The following NUDT2 variants were observed in gnomAD, a reference collection of about 807,000 sequenced individuals.
The protein encoded by NUDT2 is bis(5'-nucleosyl)-tetraphosphatase [asymmetrical].
In NUDT2, 12 loss-of-function variants were observed where a neutral mutation model predicts 14.2. The observed-to-expected ratio is 0.84, with a 90% CI of 0.54 to 1.37. The LOEUF is 1.37. Ranked by LOEUF, NUDT2 falls within the 40% of genes most tolerant of loss-of-function variation. The probability of loss-of-function intolerance (pLI) is 0.00; values close to 1 mark genes in which losing one functional copy is unlikely to be tolerated. For synonymous variants in NUDT2, 67 were observed against 67.4 expected (o/e 0.99, Z 0.03); for missense variants, 167 against 176.7 (o/e 0.95, Z 0.31).
chr9:34,338,953 G>A, intron 3 of NUDT2, 71 bp from the exon 4 acceptor site: 1 of 1,351,530 alleles, frequency 7.4e-7, no homozygotes, highest in East Asian at 2.3e-5. Flanking sequence ...TCCATCACCA[G>A]ATTGCTACCC....
At chr9:34,331,837 AC>A (rs1272697236) in intron 1 of NUDT2, among the ~76,000 whole-genome samples, 1 of 151,852 alleles carries the variant, frequency 6.6e-6, no homozygotes, top group Non-Finnish European at 1.5e-5. Context: ...CTTCACTTGC[AC>A]CCCCTCCTCC....
rs1838163101 is a variant in NUDT2 at position 34,338,788 on chromosome 9, T to C, written c.-76T>C. ...TGTTTTACAGGGAGCCCTGGAGGAGTTGGGATAGAGGCCACATTGACTGAG... is the reference window on the plus strand; with the variant it reads ...TGTTTTACAGGGAGCCCTGGAGGAGCTGGGATAGAGGCCACATTGACTGAG... On this transcript the variant is annotated 5_prime_UTR_variant, in exon 3 of 5. Coordinates refer to ENST00000379158, the MANE Select transcript of NUDT2 (RefSeq NM_001161.5). 1.7e-5 allele frequency: 5 copies of C among 295,198 alleles called. No individual in the cohort carries two copies. The highest frequency in any genetic ancestry group is 1.4e-4 in the Admixed American group (3 of 21,138). The allele number at this position is 295,198 out of a possible 1,614,324, so 18.3% of individuals were successfully genotyped here.
At chr9:34,337,867 C>G (rs985072003) in intron 2 of NUDT2, among the ~76,000 whole-genome samples, 5 of 152,084 alleles carry the variant, frequency 3.3e-5, no homozygotes, top group Middle Eastern at 6.8e-3. Flanking sequence ...GAGACAGAGT[C>G]TCACTCTGTC....
At chr9:34,331,011 T>C (rs1043896959) in intron 1 of NUDT2, among the ~76,000 whole-genome samples, 2 of 152,086 alleles carry the variant, frequency 1.3e-5, no homozygotes, top group African/African-American at 4.8e-5. Flanking sequence ...GCAAATACAC[T>C]AGTCAGTGCG....
At position 34,339,218 on chromosome 9, in the gene NUDT2, A is replaced by G. The variant is rs1239170478; in HGVS notation, c.127+52A>G. The stretch of plus-strand genomic sequence containing the variant: ...GGAAACTGCCAACCACTGCTCAGAA[A>G]TCTACCCTGCCAGGCCCTCCCCAAG... On this transcript the variant is annotated intron_variant, in intron 4 of 4. Transcript: ENST00000379158. 6 of 1,592,654 alleles carry G rather than the reference A, an allele frequency of 3.8e-6. No individual in the cohort carries two copies. The African/African-American group carries it at 4.0e-5, about 11-fold the overall frequency.
rs185321269 is a variant in NUDT2, at chr9:34,335,082, C to G, written c.-264-1147C>G. Among the ~76,000 whole-genome samples, 6 of 152,154 alleles carry G rather than the reference C, an allele frequency of 3.9e-5. No individual in the cohort carries two copies. In the East Asian group the frequency reaches 1.2e-3, roughly 29 times the overall value. On this transcript the variant is annotated intron_variant, in intron 1 of 4. Transcript: ENST00000379158. ...ACCCCTAGCTCCTACTGAATTTCCT[C>G]CTTCAGCTCCTCTGAGTCCTGGGCC...
intron 1 of NUDT2, among the ~76,000 whole-genome samples, chr9:34,330,929 C>A (rs1837908227): frequency 6.6e-6 from 1 of 152,056 alleles, no homozygotes; most frequent in South Asian, 2.1e-4. Flanking sequence ...CCACTGCACT[C>A]CAGCCTGGGC....
At chr9:34,330,370 A>G (rs1587985139) in intron 1 of NUDT2, among the ~76,000 whole-genome samples, 1 of 152,308 alleles carries the variant, frequency 6.6e-6, no homozygotes, top group Non-Finnish European at 1.5e-5. Flanking sequence ...GCGCCACTGC[A>G]CTCCAGCCTG....
intron 4 of NUDT2, 65 bp downstream of exon 4, chr9:34,339,231 G>A (rs1838175034): frequency 6.3e-7 from 1 of 1,581,352 alleles, no homozygotes. Flanking sequence ...TACCCTGCCA[G>A]GCCCTCCCCA....
chr9:34,337,128 T>C (rs1838111436), intron 2 of NUDT2, among the ~76,000 whole-genome samples: 1 of 151,418 alleles, frequency 6.6e-6, no homozygotes, highest in African/African-American at 2.4e-5. Context: ...GCCTCCCAAG[T>C]AGCTGGGATT....
Position 34,343,297 on chromosome 9 carries a change from T to C in NUDT2, c.301T>C (p.Tyr101His), listed in dbSNP as rs750749771. The C allele has an allele frequency of 6.2e-7, 1 of 1,611,886 alleles. No individual in the cohort carries two copies. The highest frequency in any genetic ancestry group is 8.5e-7 in the Non-Finnish European group (1 of 1,179,472). Residue 101 changes from tyrosine (Y) to histidine (H), a missense_variant, in exon 5 of 5, where the codon TAT becomes CAT. Coordinates refer to ENST00000379158, the MANE Select transcript of NUDT2 (RefSeq NM_001161.5). ...VIYWLAEVKD[Y>H]DVEIRLSHEH... ...TTACTGGCTGGCGGAGGTGAAGGAC[T>C]ATGACGTGGAGATCCGCCTCTCCCA...
chr9:34,335,791 C>T (rs1261898389), intron 1 of NUDT2, among the ~76,000 whole-genome samples: 1 of 152,198 alleles, frequency 6.6e-6, no homozygotes, highest in Non-Finnish European at 1.5e-5. Flanking sequence ...ACACTGGCAT[C>T]CACTGAAATA....
intron 1 of NUDT2, among the ~76,000 whole-genome samples, chr9:34,335,924 A>C (rs1258785123): frequency 6.6e-6 from 1 of 151,992 alleles, no homozygotes; most frequent in Non-Finnish European, 1.5e-5. Flanking sequence ...CTCCCCATGC[A>C]GGCATCTTTG....
chr9:34,340,457 A>G lies in NUDT2; in HGVS notation c.127+1291A>G, dbSNP rs548091135. On this transcript the variant is annotated intron_variant, in intron 4 of 4. Coordinates refer to ENST00000379158, the MANE Select transcript of NUDT2 (RefSeq NM_001161.5). ...CTGTAAAGATTATGGAGACCTTGAG[A>G]TTGCAGCTTGACCAGCTAGCTACCT... Among the ~76,000 whole-genome samples, 3 of 152,296 alleles carry G rather than the reference A, an allele frequency of 2.0e-5. No individual in the cohort carries two copies. In the South Asian group the frequency reaches 6.2e-4, roughly 32 times the overall value.
chr9:34,341,890 A>G (rs553560332), intron 4 of NUDT2, among the ~76,000 whole-genome samples: 22 of 152,156 alleles, frequency 1.4e-4, no homozygotes, highest in Admixed American at 2.6e-4. Flanking sequence ...CTCCAAACCA[A>G]GGAGAGAACA....
Position 34,343,298 on chromosome 9 carries a change from A to G in NUDT2, c.302A>G (p.Tyr101Cys), listed in dbSNP as rs1158725190. Residue 101 changes from tyrosine (Y) to cysteine (C), a missense_variant, in exon 5 of 5, where the codon TAT becomes TGT. By Grantham distance (194) the Tyr-to-Cys change is radical. Transcript: ENST00000379158. ...TACTGGCTGGCGGAGGTGAAGGACTATGACGTGGAGATCCGCCTCTCCCAT... is the reference window on the plus strand; with the variant it reads ...TACTGGCTGGCGGAGGTGAAGGACTGTGACGTGGAGATCCGCCTCTCCCAT... ...VIYWLAEVKDYDVEIRLSHEH... is the reference protein window; with the variant it reads ...VIYWLAEVKDCDVEIRLSHEH... 1 of 1,611,830 alleles carries G rather than the reference A, an allele frequency of 6.2e-7. No homozygotes were observed. The highest frequency in any genetic ancestry group is 8.5e-7 in the Non-Finnish European group (1 of 1,179,486).
At chr9:34,333,966 G>T (rs1229117817) in intron 1 of NUDT2, among the ~76,000 whole-genome samples, 4 of 152,166 alleles carry the variant, frequency 2.6e-5, no homozygotes, top group Non-Finnish European at 4.4e-5. Flanking sequence ...GTTGTCAAAA[G>T]TCTTGCACAG....
chr9:34,332,381 C>T (rs1837966206), intron 1 of NUDT2, among the ~76,000 whole-genome samples: 1 of 152,180 alleles, frequency 6.6e-6, no homozygotes, highest in African/African-American at 2.4e-5. Context: ...TTGCACAAAA[C>T]ACACTGTAAC....
In NUDT2 at chr9:34,335,849, C is replaced by T. The variant is rs182378812; in HGVS notation, c.-264-380C>T. On this transcript the variant is annotated intron_variant, in intron 1 of 4. Transcript: ENST00000379158. The stretch of plus-strand genomic sequence containing the variant: ...TGTCACTACCCTAAGATTCCTCCCC[C>T]ACCCCACCGCTGCTTTCCTCTCCCC... Among the ~76,000 whole-genome samples the T allele has an allele frequency of 1.1e-4, 16 of 152,270 alleles. No homozygotes were observed. In the East Asian group the frequency reaches 2.7e-3, roughly 26 times the overall value.
Sources: gnomAD v4.1 joint callset for allele counts (sites outside exome capture counted in the v4.1 genomes callset) on GRCh38, gnomAD v4.1.1 for gene constraint, MANE v1.5 for transcripts, NCBI Gene and HGNC (gene_info 2026-07-23, HGNC 2026-07-21) for gene names.